ENTREP2: variants seen among roughly 807,000 people sequenced by gnomAD.
ENTREP2 encodes protein ENTREP2.
the ENTREP2 span, among the ~76,000 whole-genome samples, chr15:29,397,831 T>C: frequency 1.4e-4 from 21 of 152,184 alleles, no homozygotes; most frequent in Non-Finnish European, 2.5e-4. Context: ...TTCCAAATTG[T>C]CTTTATAAAG....
chr15:29,400,366 T>C, the ENTREP2 span, among the ~76,000 whole-genome samples: 6 of 152,280 alleles, frequency 3.9e-5, no homozygotes, highest in Non-Finnish European at 7.4e-5. Context: ...AGGAGCAATA[T>C]CAAGGAATCC....
At chr15:29,136,573 G>T in the ENTREP2 span, 2 of 1,501,176 alleles carry the variant, frequency 1.3e-6, no homozygotes, top group Non-Finnish European at 1.8e-6. Context: ...TCTCAAAGCC[G>T]CCAGAGCAGG....
At chr15:29,135,409 T>C in the ENTREP2 span, among the ~76,000 whole-genome samples, 2 of 152,244 alleles carry the variant, frequency 1.3e-5, no homozygotes, top group South Asian at 4.2e-4. The surrounding 1 kb of genome is among the most constrained non-coding windows in gnomAD (Gnocchi z 7.4). Flanking sequence ...TAACCCCATG[T>C]TCCTTGGAGG....
chr15:29,210,721 G>A, the ENTREP2 span, among the ~76,000 whole-genome samples: 1 of 152,096 alleles, frequency 6.6e-6, no homozygotes, highest in African/African-American at 2.4e-5. Context: ...AGATCCCTCT[G>A]AGCTTCTCTG....
chr15:29,631,551 C>A, the ENTREP2 span, among the ~76,000 whole-genome samples: 4 of 152,222 alleles, frequency 2.6e-5, no homozygotes, highest in South Asian at 8.3e-4. Flanking sequence ...TGTACATCTG[C>A]ATGTGTGAAA....
chr15:29,337,147 A>G, the ENTREP2 span, among the ~76,000 whole-genome samples: 103 of 152,356 alleles, frequency 6.8e-4, no homozygotes, highest in African/African-American at 2.4e-3. Context: ...TGCAGCGTTC[A>G]AAGAGTATCA....
chr15:29,455,839 G>C, the ENTREP2 span, among the ~76,000 whole-genome samples: 1 of 152,154 alleles, frequency 6.6e-6, no homozygotes, highest in Admixed American at 6.5e-5. Flanking sequence ...TCTCATAGGA[G>C]CATGAACCCT....
the ENTREP2 span, among the ~76,000 whole-genome samples, chr15:29,145,787 C>A: frequency 6.6e-6 from 1 of 152,116 alleles, no homozygotes; most frequent in African/African-American, 2.4e-5. Context: ...ACTCTCACTG[C>A]TTCTATTCAA....
the ENTREP2 span, among the ~76,000 whole-genome samples, chr15:29,533,383 A>G: frequency 6.6e-6 from 1 of 152,244 alleles, no homozygotes; most frequent in Non-Finnish European, 1.5e-5. Flanking sequence ...CAGATGCTGC[A>G]CTTGCAATGG....
chr15:29,507,549 C>T, the ENTREP2 span, among the ~76,000 whole-genome samples: 19 of 152,154 alleles, frequency 1.2e-4, no homozygotes, highest in African/African-American at 4.3e-4. Context: ...GAAATCATAA[C>T]GGTCACTCAG....
chr15:29,597,376 C>G, the ENTREP2 span, among the ~76,000 whole-genome samples: 1 of 151,912 alleles, frequency 6.6e-6, no homozygotes, highest in Admixed American at 6.6e-5. Flanking sequence ...CGAGACCAGC[C>G]TGGCCAACAT....
At chr15:29,656,415 C>T in the ENTREP2 span, among the ~76,000 whole-genome samples, 14 of 152,178 alleles carry the variant, frequency 9.2e-5, no homozygotes, top group South Asian at 1.0e-3. Context: ...TTAATAGACA[C>T]GAAGTTTCAC....
the ENTREP2 span, among the ~76,000 whole-genome samples, chr15:29,436,900 A>C: frequency 6.6e-6 from 1 of 152,216 alleles, no homozygotes. Context: ...TTTAGACAGA[A>C]TTTCAAACGG....
At chr15:29,434,563 A>C in the ENTREP2 span, among the ~76,000 whole-genome samples, 1 of 152,208 alleles carries the variant, frequency 6.6e-6, no homozygotes, top group African/African-American at 2.4e-5. Context: ...CCCAGATCAC[A>C]CAGACACATC....
the ENTREP2 span, chr15:29,196,322 C>T: frequency 7.9e-7 from 1 of 1,258,080 alleles, no homozygotes; most frequent in Non-Finnish European, 1.1e-6. Flanking sequence ...ACTGAACCTA[C>T]CCCGGGAAGT....
the ENTREP2 span, chr15:29,126,316 ACGCCCGGGACCTGGC>A: frequency 6.6e-7 from 1 of 1,511,980 alleles, no homozygotes; most frequent in African/African-American, 1.4e-5. Flanking sequence ...AGCGGGACAC[ACGCCCGGGACCTGGC>A]TGCACCTGTG....
At chr15:29,234,023 C>G in the ENTREP2 span, 12 of 1,483,812 alleles carry the variant, frequency 8.1e-6, no homozygotes, top group African/African-American at 1.4e-5. Context: ...TGTTCCACCT[C>G]TGGGTCAAGA....
chr15:29,636,775 A>C, the ENTREP2 span, among the ~76,000 whole-genome samples: 1 of 152,132 alleles, frequency 6.6e-6, no homozygotes, highest in African/African-American at 2.4e-5. Flanking sequence ...ATGTAATTTG[A>C]CCCTAATTTT....
At chr15:29,393,781 T>C in the ENTREP2 span, among the ~76,000 whole-genome samples, 1 of 152,180 alleles carries the variant, frequency 6.6e-6, no homozygotes, top group Non-Finnish European at 1.5e-5. Context: ...TATCAAAATA[T>C]GAAACTTTAT....
Sources: gnomAD v4.1 joint callset for allele counts (sites outside exome capture counted in the v4.1 genomes callset) on GRCh38, gnomAD v4.1.1 for gene constraint, Gnocchi (gnomAD v3.1) non-coding constraint, MANE v1.5 for transcripts, NCBI Gene and HGNC (gene_info 2026-07-23, HGNC 2026-07-21) for gene names.